Variants in DDX60 observed in about 807,000 individuals in gnomAD.
DDX60 encodes probable ATP-dependent RNA helicase DDX60.
In DDX60, 165 loss-of-function variants were observed where a neutral mutation model predicts 212.8. The observed-to-expected ratio is 0.78, with a 90% CI of 0.68 to 0.88. DDX60 has a LOEUF of 0.88. Among genes scored for constraint, DDX60 ranks in the 40% least tolerant of loss-of-function variants. The probability of loss-of-function intolerance (pLI) is 0.00; values close to 1 mark genes in which losing one functional copy is unlikely to be tolerated. For synonymous variants in DDX60, 703 were observed against 685.3 expected (o/e 1.03, Z -0.40); for missense variants, 1,905 against 2,003.9 (o/e 0.95, Z 0.94).
chr4:168,237,002 A>G (rs1381068343), intron 32 of DDX60, among the ~76,000 whole-genome samples: 3 of 151,376 alleles, frequency 2.0e-5, no homozygotes, highest in Admixed American at 1.3e-4. Flanking sequence ...AATATTTTCT[A>G]AAAAGTGTAT....
the DDX60 span, among the ~76,000 whole-genome samples, chr4:168,325,432 T>C: frequency 6.6e-6 from 1 of 152,242 alleles, no homozygotes; most frequent in Non-Finnish European, 1.5e-5. Context: ...TGTGTAGTCA[T>C]AACTTCAGTA....
At chr4:168,317,800 AG>A (rs1342817029) in intron 1 of DDX60, among the ~76,000 whole-genome samples, 1 of 152,204 alleles carries the variant, frequency 6.6e-6, no homozygotes, top group Non-Finnish European at 1.5e-5. Flanking sequence ...TGTTGTGAGA[AG>A]GCCACTGTAG....
chr4:168,246,826 T>C (rs1397021940), intron 29 of DDX60, among the ~76,000 whole-genome samples: 2 of 152,204 alleles, frequency 1.3e-5, no homozygotes, highest in African/African-American at 2.4e-5. Context: ...CTGTCATCAT[T>C]ACGTACGTAT....
At chr4:168,301,168 G>A (rs1441053499) in intron 6 of DDX60, among the ~76,000 whole-genome samples, 1 of 152,070 alleles carries the variant, frequency 6.6e-6, no homozygotes, top group Non-Finnish European at 1.5e-5. Flanking sequence ...TGTAGATAAC[G>A]AAAGCTGGAT....
intron 37 of DDX60, 37 bp downstream of exon 37, chr4:168,220,617 TA>T: frequency 8.8e-7 from 1 of 1,134,310 alleles, no homozygotes; most frequent in Non-Finnish European, 1.2e-6. Context: ...AATAAATTAT[TA>T]AAAAATCTAA....
chr4:168,230,463 G>GC, intron 33 of DDX60, among the ~76,000 whole-genome samples: 1 of 151,944 alleles, frequency 6.6e-6, no homozygotes, highest in Non-Finnish European at 1.5e-5. Flanking sequence ...CATATGATAG[G>GC]CAACAAAACA....
At chr4:168,240,444 C>G (rs1018647647) in intron 30 of DDX60, among the ~76,000 whole-genome samples, 3 of 152,154 alleles carry the variant, frequency 2.0e-5, no homozygotes, top group Non-Finnish European at 4.4e-5. Flanking sequence ...CTACCAGTGA[C>G]TTTCTACACA....
intron 4 of DDX60, among the ~76,000 whole-genome samples, chr4:168,306,954 C>T (rs920264322): frequency 8.5e-5 from 13 of 152,176 alleles, no homozygotes; most frequent in African/African-American, 3.1e-4. Context: ...ATACTTGGAG[C>T]TTATCATGCT....
chr4:168,280,389 C>T lies in DDX60; in HGVS notation c.1924G>A (p.Val642Met), dbSNP rs1198713113. ...GCTTTCAAGCAAGCAGTTAACCCCA[C>T]CATTTCAACCTGAAGTTTCACACAG... ...SSCVKLQVEMVGLTACLKAWK... is the reference protein window; with the variant it reads ...SSCVKLQVEMMGLTACLKAWK... The change falls in exon 14 of 38, where the codon GTG (valine) becomes ATG (methionine). Residue 642 changes from valine to methionine, a missense_variant. Physicochemically the swap from Val to Met is conservative, Grantham distance 21. Transcript: ENST00000393743. 6.2e-7 allele frequency: 1 copy of T among 1,614,158 alleles called. No homozygotes were observed. Among genetic ancestry groups the T allele is most frequent in the Non-Finnish European group, 8.5e-7 (1 of 1,180,012 alleles).
chr4:168,225,485 T>G, intron 34 of DDX60, 44 bp downstream of exon 34: 1 of 1,541,874 alleles, frequency 6.5e-7, no homozygotes, highest in Non-Finnish European at 8.8e-7. Context: ...GGCAAGATTA[T>G]TTATTCTTCA....
chr4:168,264,646 T>A (rs936665872), intron 22 of DDX60, among the ~76,000 whole-genome samples: 1 of 152,220 alleles, frequency 6.6e-6, no homozygotes, highest in South Asian at 2.1e-4. Context: ...GTGACATAGA[T>A]TTCTTATGAG....
intron 30 of DDX60, among the ~76,000 whole-genome samples, chr4:168,239,356 G>C (rs745427251): frequency 2.7e-5 from 4 of 150,358 alleles, no homozygotes; most frequent in Non-Finnish European, 4.4e-5. Flanking sequence ...ATAGCAGATA[G>C]CAGAGAGATG....
Position 168,251,097 on chromosome 4 carries a change from T to G in DDX60, c.3715A>C (p.Lys1239Gln). Residue 1239 changes from lysine to glutamine, a missense_variant, in exon 28 of 38, where the codon AAG becomes CAG. Lys to Gln is a moderately conservative substitution (Grantham distance 53). Coordinates refer to ENST00000393743, the MANE Select transcript of DDX60 (RefSeq NM_017631.6). Reference protein sequence around the residue: ...QKAVDTETLQKVFGRVKFERK... With the variant: ...QKAVDTETLQQVFGRVKFERK... ...TCAAATTTTACTCGACCAAATACCTTCTGCAAAGTCTAAAAGAAGCAAGAC... is the reference window on the plus strand; with the variant it reads ...TCAAATTTTACTCGACCAAATACCTGCTGCAAAGTCTAAAAGAAGCAAGAC... The G allele has an allele frequency of 1.2e-6, 2 of 1,610,182 alleles. No homozygotes were observed. The highest frequency in any genetic ancestry group is 1.7e-6 in the Non-Finnish European group (2 of 1,179,090).
intron 37 of DDX60, 125 bp downstream of exon 37, chr4:168,220,530 T>G (rs970942539): frequency 1.8e-6 from 1 of 568,312 alleles, no homozygotes; most frequent in East Asian, 3.7e-5. Flanking sequence ...GGAGTTGAAA[T>G]GCATAGCACA....
At position 168,287,077 on chromosome 4, in the gene DDX60, A is replaced by C. The variant is rs759891088; in HGVS notation, c.1310T>G (p.Phe437Cys). ...PFPLRTTKVC[F>C]LEKKPSPIKD... The stretch of plus-strand genomic sequence containing the variant: ...GATTGGTGATGGTTTCTTTTCAAGA[A>C]AACAAACTTTTGTTGTTCTCAGAGG... The change falls in exon 10 of 38, where the codon TTT (phenylalanine) becomes TGT (cysteine). Residue 437 changes from phenylalanine (F) to cysteine (C), a missense_variant. By Grantham distance (205) the Phe-to-Cys change is radical. Coordinates refer to ENST00000393743, the MANE Select transcript of DDX60 (RefSeq NM_017631.6). 1 of 1,606,796 alleles carries C rather than the reference A, an allele frequency of 6.2e-7. No homozygotes were observed. Among genetic ancestry groups the C allele is most frequent in the Non-Finnish European group, 8.5e-7 (1 of 1,178,324 alleles).
intron 14 of DDX60, among the ~76,000 whole-genome samples, chr4:168,277,675 G>C (rs1735402524): frequency 1.3e-5 from 2 of 151,882 alleles, no homozygotes; most frequent in Admixed American, 6.6e-5. Context: ...CGGATGCGGT[G>C]GTGGGCGCCT....
Position 168,273,171 on chromosome 4 carries a change from A to G in DDX60, c.2574+108T>C. ...AAGTATTTTGTCTTTCATAAATTCA[A>G]ATAAATTATTTTCACAAGCCTTGTG... On this transcript the variant is annotated intron_variant, in intron 18 of 37. Coordinates refer to ENST00000393743, the MANE Select transcript of DDX60 (RefSeq NM_017631.6). 8.6e-6 allele frequency: 10 copies of G among 1,161,116 alleles called. No homozygotes were observed. The South Asian group carries it at 1.0e-4, about 12-fold the overall frequency. The allele number at this position is 1,161,116 out of a possible 1,614,324, so 71.9% of individuals were successfully genotyped here. A position where few individuals can be genotyped will look rare whatever the true frequency, so the allele number is the denominator to read the frequency against.
intron 4 of DDX60, 21 bp from the exon 5 acceptor site, chr4:168,306,741 T>C (rs538697952): frequency 2.0e-6 from 3 of 1,534,124 alleles, no homozygotes; most frequent in African/African-American, 2.8e-5. Flanking sequence ...GGAGGTGAAG[T>C]ACATTTTATT....
At chr4:168,260,526 GGGT>G (rs1734583723) in intron 25 of DDX60, among the ~76,000 whole-genome samples, 1 of 152,174 alleles carries the variant, frequency 6.6e-6, no homozygotes. Context: ...ACTTGGCAGT[GGGT>G]GGCGGTGGGG....
Sources: allele counts gnomAD v4.1 joint callset (sites outside exome capture counted in the v4.1 genomes callset), GRCh38; gene constraint gnomAD v4.1.1; transcripts MANE v1.5; gene names NCBI Gene and HGNC (gene_info 2026-07-23, HGNC 2026-07-21).